CACNA1C: variants seen among roughly 807,000 people sequenced by gnomAD.
CACNA1C encodes calcium voltage-gated channel subunit alpha1 C, also known as voltage-dependent L-type calcium channel subunit alpha-1C.
A neutral mutation model predicts 229.0 loss-of-function variants in CACNA1C; 30 were observed. The observed-to-expected ratio is 0.13, with a 90% CI of 0.10 to 0.18. The LOEUF is 0.18. CACNA1C is among the 10% of genes least tolerant of loss of function. CACNA1C has a pLI of 1.00. For missense variants in CACNA1C, 1,658 were observed against 2,845.0 expected (o/e 0.58, Z 9.49); for synonymous variants, 1,114 against 1,132.5 (o/e 0.98, Z 0.33).
chr12:2,231,490 A>G (rs1299090065), intron 3 of CACNA1C, among the ~76,000 whole-genome samples: 1 of 152,196 alleles, frequency 6.6e-6, no homozygotes, highest in Non-Finnish European at 1.5e-5. Context: ...CCCTTTTGAG[A>G]GTGGGAGGCA....
At chr12:2,123,227 T>C (rs1003591224) in intron 3 of CACNA1C, among the ~76,000 whole-genome samples, 1 of 151,774 alleles carries the variant, frequency 6.6e-6, no homozygotes, top group African/African-American at 2.4e-5. Flanking sequence ...ATACAAAAAA[T>C]TAGCCAGGCG....
chr12:2,046,942 G>A lies in CACNA1C; in HGVS notation c.140-68282G>A, dbSNP rs141212768. Among the ~76,000 whole-genome samples, 187 of 152,276 alleles carry A rather than the reference G, an allele frequency of 1.2e-3. 1 individual carries two copies. Among genetic ancestry groups the A allele is most frequent in the African/African-American group, 3.6e-3 (148 of 41,548 alleles). ...TAACATAAGTTGTGAAGGCCTCAGC[G>A]TTATTATGGGTCTTCCAAAAGAAGG... is the stretch of plus-strand genomic sequence containing the variant. On this transcript the variant is annotated intron_variant, in intron 1 of 46. Transcript: ENST00000682462.
chr12:2,279,284 A>G (rs1003527713), intron 3 of CACNA1C, among the ~76,000 whole-genome samples: 1 of 152,032 alleles, frequency 6.6e-6, no homozygotes, highest in Non-Finnish European at 1.5e-5. Context: ...CCATTTGTCT[A>G]TTTTTACACC....
At chr12:2,089,048 C>T (rs1394117610) in intron 1 of CACNA1C, among the ~76,000 whole-genome samples, 1 of 152,186 alleles carries the variant, frequency 6.6e-6, no homozygotes, top group East Asian at 1.9e-4. Context: ...GTCCAACCAA[C>T]TTGAAGTGGT....
At chr12:2,207,012 G>A (rs78907301) in intron 3 of CACNA1C, among the ~76,000 whole-genome samples, 6,953 of 152,280 alleles carry the variant, frequency 0.046, 184 homozygotes, top group South Asian at 0.087. Flanking sequence ...AAGTACAGTT[G>A]ATAGAATGTG....
intron 11 of CACNA1C, among the ~76,000 whole-genome samples, chr12:2,561,432 A>T (rs1385278094): frequency 6.6e-6 from 1 of 152,200 alleles, no homozygotes; most frequent in Non-Finnish European, 1.5e-5. Flanking sequence ...GCTACTGAGT[A>T]TCTGGTGCCT....
rs907933151 is a variant in CACNA1C at position 2,275,533 on chromosome 12, C to T, written c.477+155103C>T. On this transcript the variant is annotated intron_variant, in intron 3 of 46. Coordinates refer to ENST00000399655, the MANE Select transcript of CACNA1C (RefSeq NM_000719.7). This position sits in a 1 kb window ranked among gnomAD's most constrained non-coding sequence, Gnocchi z 4.1. ...ACTGTCCCCCAGCTCGCAACCCCCA[C>T]GCAGCCCCACCCTTGACCTGCCACC... 3.3e-5 allele frequency among the ~76,000 whole-genome samples: 5 copies of T among 152,090 alleles called. No homozygotes were observed. Among genetic ancestry groups the T allele is most frequent in the Non-Finnish European group, 5.9e-5 (4 of 68,020 alleles).
At chr12:2,556,289 A>G (rs968625256) in intron 10 of CACNA1C, among the ~76,000 whole-genome samples, 2 of 152,048 alleles carry the variant, frequency 1.3e-5, no homozygotes, top group African/African-American at 4.8e-5. Context: ...CTTTCCATGG[A>G]ACCTCCTCCC....
intron 3 of CACNA1C, among the ~76,000 whole-genome samples, chr12:2,249,057 C>T (rs964714636): frequency 6.6e-6 from 1 of 152,170 alleles, no homozygotes; most frequent in Non-Finnish European, 1.5e-5. Context: ...TCATTTCTAG[C>T]GTTCTGAATA....
chr12:2,695,308 A>G lies in CACNA1C; in HGVS notation c.*4109A>G, dbSNP rs2097831184. 1 of 152,252 alleles carries G rather than the reference A, an allele frequency of 6.6e-6. No individual in the cohort carries two copies. Among genetic ancestry groups the G allele is most frequent in the Admixed American group, 6.5e-5 (1 of 15,282 alleles). The allele number at this position is 152,252 out of a possible 1,614,324, so 9.4% of individuals were successfully genotyped here. A position where few individuals can be genotyped will look rare whatever the true frequency, so the allele number is the denominator to read the frequency against. ...GGAGCCGCTGACATCTCAAGGATCTATTTGGGAAGGTGAGAAGAGTACTCA... is the reference window on the plus strand; with the variant it reads ...GGAGCCGCTGACATCTCAAGGATCTGTTTGGGAAGGTGAGAAGAGTACTCA... On this transcript the variant is annotated 3_prime_UTR_variant, in exon 47 of 47. Coordinates refer to ENST00000399655, the MANE Select transcript of CACNA1C (RefSeq NM_000719.7).
At chr12:2,386,359 T>C (rs1441682936) in intron 3 of CACNA1C, among the ~76,000 whole-genome samples, 2 of 152,204 alleles carry the variant, frequency 1.3e-5, no homozygotes, top group African/African-American at 4.8e-5. Context: ...AGGATCTGAC[T>C]CTTTCTGCCT....
At chr12:2,530,435 A>G (rs1335637962) in intron 9 of CACNA1C, among the ~76,000 whole-genome samples, 1 of 152,206 alleles carries the variant, frequency 6.6e-6, no homozygotes, top group Non-Finnish European at 1.5e-5. Flanking sequence ...TCCTAGAAGT[A>G]AAAACTCTTT....
At chr12:2,603,717 G>A (rs1331531148) in intron 22 of CACNA1C, 1 of 152,238 alleles carries the variant, frequency 6.6e-6, no homozygotes, top group Non-Finnish European at 1.5e-5. Flanking sequence ...TATGGAACCT[G>A]TAGTGCCACG....
In CACNA1C at chr12:2,479,428, A is replaced by G. The variant is rs902945018; in HGVS notation, c.758-6676A>G. Reference sequence around the variant, plus strand: ...ATCTATTTCTTTCAGATGACATCCAATTCTAAGAGGAAGGACTTGTAGCGA... The same window carrying G: ...ATCTATTTCTTTCAGATGACATCCAGTTCTAAGAGGAAGGACTTGTAGCGA... On this transcript the variant is annotated intron_variant, in intron 5 of 46. Transcript: ENST00000399655. This position sits in a 1 kb window ranked among gnomAD's most constrained non-coding sequence, Gnocchi z 4.3. Among the ~76,000 whole-genome samples, 1 of 152,180 alleles carries G rather than the reference A, an allele frequency of 6.6e-6. No individual in the cohort carries two copies. The highest frequency in any genetic ancestry group is 1.5e-5 in the Non-Finnish European group (1 of 68,034).
At chr12:2,000,387 T>C (rs190526308) in intron 1 of CACNA1C, among the ~76,000 whole-genome samples, 1 of 152,244 alleles carries the variant, frequency 6.6e-6, no homozygotes, top group Admixed American at 6.5e-5. Context: ...AGGATATCTA[T>C]ATATATCAGC....
intron 7 of CACNA1C, among the ~76,000 whole-genome samples, chr12:2,499,797 C>G (rs1434293091): frequency 2.0e-5 from 3 of 151,778 alleles, no homozygotes; most frequent in Non-Finnish European, 4.4e-5. Flanking sequence ...TGTCAGCAAT[C>G]TGGGTCATTT....
At chr12:2,499,382 G>T (rs553335811) in intron 7 of CACNA1C, among the ~76,000 whole-genome samples, 1 of 152,102 alleles carries the variant, frequency 6.6e-6, no homozygotes, top group East Asian at 1.9e-4. Context: ...GATCCACAGT[G>T]CCTGTGCCAA....
intron 8 of CACNA1C, among the ~76,000 whole-genome samples, chr12:2,511,753 C>T (rs186278549): frequency 6.6e-6 from 1 of 152,132 alleles, no homozygotes; most frequent in Non-Finnish European, 1.5e-5. Flanking sequence ...CCAGCCTCCT[C>T]CTTGCTCAGA....
chr12:2,582,107 T>C (rs1242701667), intron 14 of CACNA1C, among the ~76,000 whole-genome samples: 1 of 151,458 alleles, frequency 6.6e-6, no homozygotes, highest in African/African-American at 2.4e-5. Flanking sequence ...CTGCACACTC[T>C]AGCCTAGGTG....
Sources: gnomAD v4.1 joint callset for allele counts (sites outside exome capture counted in the v4.1 genomes callset) on GRCh38, gnomAD v4.1.1 for gene constraint, Gnocchi (gnomAD v3.1) non-coding constraint, MANE v1.5 for transcripts, NCBI Gene and HGNC (gene_info 2026-07-23, HGNC 2026-07-21) for gene names.